The following SUGCT variants were observed in gnomAD, a reference collection of about 807,000 sequenced individuals.
SUGCT encodes the protein succinyl-CoA:glutarate CoA-transferase.
SUGCT carries 41 observed loss-of-function variants against 55.0 expected under a neutral mutation model. The ratio of observed to expected loss-of-function variants is 0.74; its 90% CI spans 0.58 to 0.97. The LOEUF is 0.97. Ranked by LOEUF, SUGCT falls within the 50% of genes least tolerant of loss-of-function variation. The pLI is 0.00. For synonymous variants in SUGCT, 187 were observed against 200.4 expected, an observed-to-expected ratio of 0.93 and a Z score of 0.56; for missense variants, 568 against 547.8, an observed-to-expected ratio of 1.04 and a Z score of -0.37.
chr7:40,567,023 A>G (rs1226438830), intron 12 of SUGCT, among the ~76,000 whole-genome samples: 2 of 152,244 alleles, frequency 1.3e-5, no homozygotes, highest in African/African-American at 4.8e-5. Context: ...CAAAAGCCAC[A>G]TCTAAAAAGG....
chr7:40,213,777 A>G (rs181099265), intron 6 of SUGCT, among the ~76,000 whole-genome samples: 153 of 152,286 alleles, frequency 1.0e-3, no homozygotes, highest in Non-Finnish European at 1.8e-3. Context: ...GTTGTAGTCC[A>G]ATATTATTGT....
intron 12 of SUGCT, among the ~76,000 whole-genome samples, chr7:40,520,481 A>G (rs1793473089): frequency 6.6e-6 from 1 of 152,114 alleles, no homozygotes; most frequent in Non-Finnish European, 1.5e-5. Context: ...CAAGAGAAAT[A>G]ATGGATATGA....
chr7:40,452,203 G>C (rs1005196172), intron 10 of SUGCT, among the ~76,000 whole-genome samples: 1 of 152,182 alleles, frequency 6.6e-6, no homozygotes, highest in Non-Finnish European at 1.5e-5. Context: ...TGTATAAAGT[G>C]AACCTTGTTC....
chr7:40,235,745 G>A (rs2150871771), intron 6 of SUGCT, among the ~76,000 whole-genome samples: 1 of 152,338 alleles, frequency 6.6e-6, no homozygotes, highest in African/African-American at 2.4e-5. Flanking sequence ...ACATTCTGGA[G>A]TATACACTTT....
chr7:41,037,580 A>C, the SUGCT span, among the ~76,000 whole-genome samples: 1 of 151,978 alleles, frequency 6.6e-6, no homozygotes, highest in Non-Finnish European at 1.5e-5. Context: ...TTTCTTAACT[A>C]ACCTGGAAAA....
At chr7:40,463,849 G>T (rs1789950723) in intron 11 of SUGCT, among the ~76,000 whole-genome samples, 1 of 152,120 alleles carries the variant, frequency 6.6e-6, no homozygotes, top group Non-Finnish European at 1.5e-5. Context: ...TTGAAAACTA[G>T]GTAAAACTCA....
intron 12 of SUGCT, among the ~76,000 whole-genome samples, chr7:40,685,538 C>G (rs956922674): frequency 6.6e-6 from 1 of 152,170 alleles, no homozygotes. Flanking sequence ...TGGTAATCGG[C>G]CAGATGCCAG....
intron 9 of SUGCT, among the ~76,000 whole-genome samples, chr7:40,415,147 T>G (rs568440633): frequency 6.7e-6 from 1 of 150,240 alleles, no homozygotes; most frequent in South Asian, 2.1e-4. Context: ...GGCAGGCCCC[T>G]GTAATCCCAG....
intron 12 of SUGCT, among the ~76,000 whole-genome samples, chr7:40,649,668 A>G (rs929933186): frequency 3.3e-5 from 5 of 152,196 alleles, no homozygotes; most frequent in African/African-American, 9.7e-5. Flanking sequence ...TGTGTAGTAC[A>G]TAGAGACATA....
At position 40,314,816 on chromosome 7, in the gene SUGCT, G is replaced by A. The variant is rs530550611; in HGVS notation, c.721-1944G>A. On this transcript the variant is annotated intron_variant, in intron 8 of 13. Coordinates refer to ENST00000335693, the MANE Select transcript of SUGCT (RefSeq NM_001193313.2). ...CATCCTTAGGTGATCCACCTGCCTC[G>A]GCCTCCCAAAGTGCTGGGATTACAG... is the stretch of plus-strand genomic sequence containing the variant. Among the ~76,000 whole-genome samples the A allele has an allele frequency of 3.9e-5, 6 of 152,028 alleles. No homozygotes were observed. The South Asian group carries it at 8.3e-4, about 21-fold the overall frequency.
intron 9 of SUGCT, among the ~76,000 whole-genome samples, chr7:40,442,837 A>T (rs768289921): frequency 6.6e-6 from 1 of 152,176 alleles, no homozygotes; most frequent in Non-Finnish European, 1.5e-5. Flanking sequence ...CTCGTCATTT[A>T]CATTAGGTAT....
intron 12 of SUGCT, among the ~76,000 whole-genome samples, chr7:40,570,849 T>C (rs1291414365): frequency 7.8e-6 from 1 of 128,092 alleles, no homozygotes; most frequent in African/African-American, 3.1e-5. Flanking sequence ...AGCTTTAGGC[T>C]CTTTTTTTTT....
chr7:40,322,836 C>A (rs947571137), intron 9 of SUGCT, among the ~76,000 whole-genome samples: 1 of 151,958 alleles, frequency 6.6e-6, no homozygotes, highest in African/African-American at 2.4e-5. Context: ...GCCTGTGGTC[C>A]CAGCTACTCT....
chr7:40,178,526 A>AT (rs1381467299), intron 1 of SUGCT, among the ~76,000 whole-genome samples: 1 of 151,342 alleles, frequency 6.6e-6, no homozygotes, highest in Non-Finnish European at 1.5e-5. Context: ...GAGAGAAAGA[A>AT]TTTCTCCCCT....
intron 12 of SUGCT, among the ~76,000 whole-genome samples, chr7:40,629,605 T>C (rs999889000): frequency 3.9e-5 from 6 of 152,164 alleles, no homozygotes; most frequent in African/African-American, 9.7e-5. Flanking sequence ...CGAGGTCATG[T>C]CATCTGTGAG....
At chr7:40,818,283 T>C (rs1256703529) in intron 13 of SUGCT, among the ~76,000 whole-genome samples, 2 of 152,234 alleles carry the variant, frequency 1.3e-5, no homozygotes, top group Non-Finnish European at 2.9e-5. Flanking sequence ...CATATTACCA[T>C]CTCTAGACCA....
intron 6 of SUGCT, among the ~76,000 whole-genome samples, chr7:40,203,495 C>T (rs1786738013): frequency 6.6e-6 from 1 of 152,156 alleles, no homozygotes; most frequent in Non-Finnish European, 1.5e-5. Context: ...TTTATTTAAG[C>T]CGGGCACAGT....
At chr7:40,800,484 G>T (rs577649047) in intron 13 of SUGCT, among the ~76,000 whole-genome samples, 16 of 152,014 alleles carry the variant, frequency 1.1e-4, no homozygotes, top group Admixed American at 3.9e-4. Context: ...TAGAGACGGG[G>T]TTTTACCGTG....
intron 9 of SUGCT, among the ~76,000 whole-genome samples, chr7:40,367,318 A>G (rs906631514): frequency 1.3e-5 from 2 of 151,692 alleles, no homozygotes; most frequent in East Asian, 1.9e-4. Context: ...CTAATGCTAA[A>G]TGACGAGTTA....
Sources: gnomAD v4.1 joint callset for allele counts (sites outside exome capture counted in the v4.1 genomes callset) on GRCh38, gnomAD v4.1.1 for gene constraint, MANE v1.5 for transcripts, NCBI Gene and HGNC (gene_info 2026-07-23, HGNC 2026-07-21) for gene names.